ATAD2: variants seen among roughly 807,000 people sequenced by gnomAD.
The protein encoded by ATAD2 is ATPase family AAA domain containing 2.
Under a neutral mutation model 168.9 loss-of-function variants are expected in ATAD2, and 62 were observed. That is an observed-to-expected ratio of 0.37 (90% confidence interval 0.30 to 0.45). The LOEUF (loss-of-function observed/expected upper bound fraction) is 0.45. Ranked by LOEUF, ATAD2 falls within the 20% of genes least tolerant of loss-of-function variation. The pLI, the probability that ATAD2 is intolerant of heterozygous loss-of-function variation, is 1.00. For synonymous variants in ATAD2, 613 were observed against 571.6 expected (o/e 1.07, Z -1.03); for missense variants, 1,419 against 1,667.8 (o/e 0.85, Z 2.60).
At chr8:123,373,912 G>C (rs923582484) in intron 2 of ATAD2, among the ~76,000 whole-genome samples, 4 of 151,760 alleles carry the variant, frequency 2.6e-5, no homozygotes, top group African/African-American at 7.3e-5. Flanking sequence ...CAAGCTATTT[G>C]CAAGTGGGCT....
At chr8:123,373,898 G>GCAAGTGGGCTGGTTTA (rs1829231667) in intron 2 of ATAD2, among the ~76,000 whole-genome samples, 1 of 151,506 alleles carries the variant, frequency 6.6e-6, no homozygotes, top group African/African-American at 2.4e-5. Flanking sequence ...ATCAACCTAT[G>GCAAGTGGGCTGGTTTA]TATCAAGCTA....
intron 2 of ATAD2, among the ~76,000 whole-genome samples, chr8:123,375,092 T>A (rs766078826): frequency 1.3e-5 from 2 of 152,220 alleles, no homozygotes; most frequent in Non-Finnish European, 2.9e-5. Flanking sequence ...ACAGGAAAAG[T>A]ATATGAAAAA....
intron 1 of ATAD2, among the ~76,000 whole-genome samples, chr8:123,412,765 C>G (rs767347408): frequency 3.7e-4 from 57 of 152,242 alleles, no homozygotes; most frequent in Non-Finnish European, 7.4e-4. Flanking sequence ...GTACTGAGTA[C>G]TGCAGAACTC....
Position 123,321,080 on chromosome 8 carries a change from A to C in ATAD2, c.*54T>G. 6.5e-7 allele frequency: 1 copy of C among 1,533,314 alleles called. No individual in the cohort carries two copies. The highest frequency in any genetic ancestry group is 9.0e-7 in the Non-Finnish European group (1 of 1,117,204). The allele number at this position is 1,533,314 out of a possible 1,614,324, so 95.0% of individuals were successfully genotyped here. A position where few individuals can be genotyped will look rare whatever the true frequency, so the allele number is the denominator to read the frequency against. On this transcript the variant is annotated 3_prime_UTR_variant, in exon 28 of 28. Transcript: ENST00000287394. ...ACTACATCAATTAGGCGGACATGAC[A>C]AAAATGACTTAAATAGGAACTGAAT...
At chr8:123,345,491 G>A (rs956493717) in intron 18 of ATAD2, among the ~76,000 whole-genome samples, 1 of 139,570 alleles carries the variant, frequency 7.2e-6, no homozygotes, top group Non-Finnish European at 1.5e-5. Context: ...GTGAAACCCC[G>A]TCTCTATTAA....
chr8:123,367,549 G>C (rs1829019832), intron 8 of ATAD2, among the ~76,000 whole-genome samples: 1 of 152,150 alleles, frequency 6.6e-6, no homozygotes, highest in African/African-American at 2.4e-5. Context: ...CCTGGTGGTG[G>C]TGGGGATTCT....
At chr8:123,399,344 C>T (rs1000755454), upstream of ATAD2, among the ~76,000 whole-genome samples, 5 of 152,146 alleles carry the variant, frequency 3.3e-5, no homozygotes, top group African/African-American at 1.2e-4. Context: ...ATTGAGCCCC[C>T]ATCTTATTCT....
chr8:123,328,371 C>A lies in ATAD2; in HGVS notation c.3687G>T (p.Gln1229His). ...GESSVEENEK[Q>H]QNASESKLEL... is the part of the protein sequence containing the mutation. ...CCAGTTTGCTTTCAGAGGCATTTTG[C>A]TGTTTTTCATTTTCTTCCACCGAAG... is the stretch of plus-strand genomic sequence containing the variant. The change falls in exon 25 of 28, where the codon CAG (glutamine) becomes CAT (histidine). Residue 1229 changes from glutamine to histidine, a missense_variant. Gln to His is a conservative substitution (Grantham distance 24, BLOSUM62 0). Around this residue, in one of 5 missense-constraint regions of ATAD2, gnomAD observed 303 missense variants for 304.3 expected, o/e 1.00. Coordinates refer to ENST00000287394, the MANE Select transcript of ATAD2 (RefSeq NM_014109.4). 1.2e-6 allele frequency: 2 copies of A among 1,601,632 alleles called. No individual in the cohort carries two copies. Among genetic ancestry groups the A allele is most frequent in the Admixed American group, 1.7e-5 (1 of 57,426 alleles).
intron 11 of ATAD2, among the ~76,000 whole-genome samples, chr8:123,358,817 C>T (rs1472070881): frequency 6.7e-6 from 1 of 150,094 alleles, no homozygotes; most frequent in African/African-American, 2.5e-5. Flanking sequence ...CTGCAACTTC[C>T]GCCTCCTGGG....
At chr8:123,351,351 C>T (rs1828452790) in intron 13 of ATAD2, among the ~76,000 whole-genome samples, 2 of 152,126 alleles carry the variant, frequency 1.3e-5, no homozygotes, top group South Asian at 2.1e-4. Flanking sequence ...CTGTCCTGTA[C>T]GTGTAAGATG....
In ATAD2 at chr8:123,339,239, G is replaced by A. The variant is rs1828001214; in HGVS notation, c.2854+72C>T. ...TTTGAGCTTGTGTTATCAGATACAT[G>A]TCAATGCCATTAACTATTTCATTCC... On this transcript the variant is annotated intron_variant, in intron 20 of 27. Transcript: ENST00000287394. The A allele has an allele frequency of 4.7e-6, 6 of 1,288,352 alleles. No individual in the cohort carries two copies. The South Asian group carries it at 7.7e-5, about 17-fold the overall frequency. 79.8% of individuals were successfully genotyped at this position (1,288,352 alleles called of 1,614,324 possible).
chr8:123,349,454 A>T lies in ATAD2; in HGVS notation c.1647-10T>A. ...GGTGGAAACAATAGAACTAAATTTT[A>T]AAAATAAGAGAGAAGAGATTAATAC... is the stretch of plus-strand genomic sequence containing the variant. On this transcript the variant is annotated splice_polypyrimidine_tract_variant and intron_variant, in intron 13 of 27. Coordinates refer to ENST00000287394, the MANE Select transcript of ATAD2 (RefSeq NM_014109.4). 1 of 1,609,732 alleles carries T rather than the reference A, an allele frequency of 6.2e-7. No individual in the cohort carries two copies. Among genetic ancestry groups the T allele is most frequent in the Non-Finnish European group, 8.5e-7 (1 of 1,176,470 alleles).
chr8:123,412,331 T>C (rs1813171023), intron 1 of ATAD2, among the ~76,000 whole-genome samples: 2 of 152,234 alleles, frequency 1.3e-5, no homozygotes, highest in African/African-American at 4.8e-5. Flanking sequence ...TTAATAAAAA[T>C]ATCAATTCAA....
chr8:123,334,136 T>A, intron 23 of ATAD2, 64 bp downstream of exon 23: 2 of 1,541,494 alleles, frequency 1.3e-6, no homozygotes, highest in Non-Finnish European at 1.7e-6. Flanking sequence ...CTTCTGAAAT[T>A]CATATATTCT....
chr8:123,402,148 A>G lies in ATAD2; in HGVS notation c.-2281-973T>C, dbSNP rs1039817238. The G allele has an allele frequency of 1.1e-4, 80 of 735,748 alleles. No homozygotes were observed. In the East Asian group the frequency reaches 2.0e-3, roughly 19 times the overall value. The allele number at this position is 735,748 out of a possible 1,614,324, so 45.6% of individuals were successfully genotyped here. ...CGAGGTGGTGGAGGGGGCACCCCCC[A>G]GTGTCCACCTTCGGGCATAGCCTCC... On this transcript the variant is annotated intron_variant, in intron 1 of 28. Transcript: ENST00000521903. This position sits in a 1 kb window ranked among gnomAD's most constrained non-coding sequence, Gnocchi z 4.8.
chr8:123,379,890 A>ATTTT lies in ATAD2; in HGVS notation c.320+635_320+638dup, dbSNP rs71895855. Among the ~76,000 whole-genome samples the ATTTT allele has an allele frequency of 9.6e-4, 124 of 129,146 alleles. 2 individuals carry two copies. Among genetic ancestry groups the ATTTT allele is most frequent in the Admixed American group, 3.1e-3 (38 of 12,298 alleles). 84.7% of individuals were successfully genotyped at this position (129,146 alleles called of 152,430 possible). ...GCCACGTATTATTATTATTATTATT[A>ATTTT]TTTTTTTTTTTTTGAGACTGAGTTT... On this transcript the variant is annotated intron_variant, in intron 2 of 27. Coordinates refer to ENST00000287394, the MANE Select transcript of ATAD2 (RefSeq NM_014109.4).
At chr8:123,336,229 T>C in intron 22 of ATAD2, 144 bp downstream of exon 22, 1 of 722,790 alleles carries the variant, frequency 1.4e-6, no homozygotes, top group South Asian at 2.4e-5. Flanking sequence ...CTAAACTTCA[T>C]TTTTACCATT....
At chr8:123,369,778 T>C in intron 7 of ATAD2, 43 bp downstream of exon 7, 1 of 1,454,820 alleles carries the variant, frequency 6.9e-7, no homozygotes, top group South Asian at 1.2e-5. Flanking sequence ...AATATAAAGC[T>C]AATATAATTA....
In ATAD2 at chr8:123,380,691, TAAG is replaced by T; in HGVS notation, c.172-17_172-15del. 1 of 1,594,716 alleles carries T rather than the reference TAAG, an allele frequency of 6.3e-7. No individual in the cohort carries two copies. The highest frequency in any genetic ancestry group is 8.5e-7 in the Non-Finnish European group (1 of 1,171,596). On this transcript the variant is annotated splice_polypyrimidine_tract_variant and intron_variant, in intron 1 of 27. Transcript: ENST00000287394. ...TGATGACCCATCCTTTAAGAAAAAT[TAAG>T]AAAGCCATCTAAGTTTTTCTTTACA...
Sources: gnomAD v4.1 joint callset for allele counts (sites outside exome capture counted in the v4.1 genomes callset) on GRCh38, gnomAD v4.1.1 for gene constraint, gnomAD v4.1.1 regional missense constraint, Gnocchi (gnomAD v3.1) non-coding constraint, MANE v1.5 for transcripts, NCBI Gene and HGNC (gene_info 2026-07-23, HGNC 2026-07-21) for gene names.